The following MAPK9 variants were observed in gnomAD, a reference collection of about 807,000 sequenced individuals.
The protein encoded by MAPK9 is Jun kinase.
MAPK9 carries 30 observed loss-of-function variants against 57.1 expected under a neutral mutation model. The ratio of observed to expected loss-of-function variants is 0.53; its 90% CI spans 0.39 to 0.71. MAPK9 has a LOEUF of 0.71. Among genes scored for constraint, MAPK9 ranks in the 30% least tolerant of loss-of-function variants. MAPK9 has a pLI of 0.00. For synonymous variants in MAPK9, 155 were observed against 177.0 expected, an observed-to-expected ratio of 0.88 and a Z score of 0.99; for missense variants, 362 against 521.0, an observed-to-expected ratio of 0.69 and a Z score of 2.97.
In MAPK9 at chr5:180,269,336, G is replaced by A. The variant is rs1221752065; in HGVS notation, c.196C>T (p.His66Tyr). The A allele has an allele frequency of 1.2e-6, 2 of 1,613,974 alleles. No individual in the cohort carries two copies. The highest frequency in any genetic ancestry group is 2.2e-5 in the South Asian group (2 of 91,074). Reference sequence around the variant, plus strand: ...AGTTCACGATAAGCTCTCTTTGCATGAGTTTGGTTCTGAAAAGGACGGCTT... The same window carrying A: ...AGTTCACGATAAGCTCTCTTTGCATAAGTTTGGTTCTGAAAAGGACGGCTT... ...KLSRPFQNQT[H>Y]AKRAYRELVL... is the part of the protein sequence containing the mutation. Residue 66 changes from histidine to tyrosine, a missense_variant, in exon 3 of 12, where the codon CAT becomes TAT. By Grantham distance (83) the His-to-Tyr change is moderately conservative (BLOSUM62 2). Coordinates refer to ENST00000452135, the MANE Select transcript of MAPK9 (RefSeq NM_002752.5).
chr5:180,247,059 G>A lies in MAPK9; in HGVS notation c.688+380C>T, dbSNP rs1349936281. The A allele has an allele frequency of 4.6e-6, 1 of 219,374 alleles. No homozygotes were observed. The highest frequency in any genetic ancestry group is 9.0e-6 in the Non-Finnish European group (1 of 111,020). The allele number at this position is 219,374 out of a possible 1,614,324, so 13.6% of individuals were successfully genotyped here. ...CAAGCACACTAGCCTATTAAATTTA[G>A]ATAGCATCTTTCCTAGTTAAATTAA... On this transcript the variant is annotated intron_variant, in intron 7 of 11. Coordinates refer to ENST00000452135, the MANE Select transcript of MAPK9 (RefSeq NM_002752.5). The surrounding 1 kb of genome is among the most constrained non-coding windows in gnomAD (Gnocchi z 4.5).
intron 5 of MAPK9, among the ~76,000 whole-genome samples, chr5:180,252,952 C>G (rs1487462199): frequency 1.3e-5 from 2 of 152,210 alleles, no homozygotes; most frequent in African/African-American, 4.8e-5. Flanking sequence ...AAAGCCATTC[C>G]CAACTTATGT....
At chr5:180,286,012 G>A (rs1356541689) in intron 1 of MAPK9, among the ~76,000 whole-genome samples, 4 of 148,038 alleles carry the variant, frequency 2.7e-5, no homozygotes, top group Admixed American at 1.3e-4. Context: ...CCTGGGAGGC[G>A]GAGCTTGCAG....
chr5:180,261,020 TAGAG>T (rs1759895871), intron 5 of MAPK9, among the ~76,000 whole-genome samples: 1 of 152,196 alleles, frequency 6.6e-6, no homozygotes, highest in African/African-American at 2.4e-5. Flanking sequence ...AAAATCAGCT[TAGAG>T]AGAATTATAT....
intron 3 of MAPK9, among the ~76,000 whole-genome samples, chr5:180,267,386 C>T (rs979813451): frequency 6.6e-6 from 1 of 151,266 alleles, no homozygotes; most frequent in Non-Finnish European, 1.5e-5. Flanking sequence ...ATGGTGAAAC[C>T]CCTGTCTCTA....
chr5:180,248,450 G>A (rs1292620238), intron 6 of MAPK9, among the ~76,000 whole-genome samples: 1 of 152,248 alleles, frequency 6.6e-6, no homozygotes, highest in African/African-American at 2.4e-5. Context: ...TTTGCTAAAA[G>A]CCAAGTTTCA....
intron 5 of MAPK9, among the ~76,000 whole-genome samples, chr5:180,253,106 C>A (rs1454382317): frequency 1.3e-5 from 2 of 152,238 alleles, no homozygotes; most frequent in Non-Finnish European, 2.9e-5. Flanking sequence ...GCACACCTCC[C>A]ACAGAGCCGT....
rs144155832 is a variant in MAPK9, at chr5:180,282,159, G to A, written c.-47-1551C>T. The stretch of plus-strand genomic sequence containing the variant: ...GAAGCTGGTCTTTGGGGCACTGTGA[G>A]CATTCAATAAACCTTTGTTGATCTG... On this transcript the variant is annotated intron_variant, in intron 1 of 11. Transcript: ENST00000452135. Among the ~76,000 whole-genome samples, 344 of 152,280 alleles carry A rather than the reference G, an allele frequency of 2.3e-3. 2 individuals carry two copies. Among genetic ancestry groups the A allele is most frequent in the Non-Finnish European group, 4.2e-3 (284 of 68,024 alleles).
In MAPK9 at chr5:180,234,178, T is replaced by G. The variant is rs1419963757; in HGVS notation, c.*2206A>C. On this transcript the variant is annotated 3_prime_UTR_variant, in exon 12 of 12. Coordinates refer to ENST00000452135, the MANE Select transcript of MAPK9 (RefSeq NM_002752.5). ...GTTACTTCCTGGGTTGTGTACAATA[T>G]AAATTACAAAAATAAAATAGAAAAG... The G allele has an allele frequency of 6.6e-6, 1 of 152,200 alleles. No homozygotes were observed. Among genetic ancestry groups the G allele is most frequent in the Non-Finnish European group, 1.5e-5 (1 of 68,034 alleles). The allele number at this position is 152,200 out of a possible 1,614,324, so 9.4% of individuals were successfully genotyped here. A position where few individuals can be genotyped will look rare whatever the true frequency, so the allele number is the denominator to read the frequency against.
At chr5:180,280,070 G>A (rs1453171947) in intron 2 of MAPK9, 2 of 455,686 alleles carry the variant, frequency 4.4e-6, no homozygotes, top group Non-Finnish European at 8.9e-6. Context: ...GGAATAAAAG[G>A]GGAGGGGGGA....
intron 2 of MAPK9, among the ~76,000 whole-genome samples, chr5:180,274,095 T>C (rs2127613365): frequency 6.6e-6 from 1 of 152,278 alleles, no homozygotes; most frequent in Non-Finnish European, 1.5e-5. Context: ...CCCACCACGA[T>C]TTCAGTTTTC....
chr5:180,280,514 T>G lies in MAPK9; in HGVS notation c.48A>C (p.Ala16=). The change falls in exon 2 of 12, where the codon GCA becomes GCC. Residue 16 remains alanine (A), a synonymous_variant. Coordinates refer to ENST00000452135, the MANE Select transcript of MAPK9 (RefSeq NM_002752.5). ...CDSQFYSVQV[A]DSTFTVLKRY... ...GTTTTAGGACAGTGAAGGTTGAGTCTGCCACTTGCACACTATAAAACTGAC... is the reference window on the plus strand; with the variant it reads ...GTTTTAGGACAGTGAAGGTTGAGTCGGCCACTTGCACACTATAAAACTGAC... 1 of 1,614,228 alleles carries G rather than the reference T, an allele frequency of 6.2e-7. No individual in the cohort carries two copies. Among genetic ancestry groups the G allele is most frequent in the Non-Finnish European group, 8.5e-7 (1 of 1,180,036 alleles).
chr5:180,280,089 C>T, intron 2 of MAPK9: 1 of 456,956 alleles, frequency 2.2e-6, no homozygotes, highest in Non-Finnish European at 4.4e-6. Flanking sequence ...GAAAAGGTGG[C>T]CATGATGAAG....
chr5:180,249,007 G>A lies in MAPK9; in HGVS notation c.582C>T (p.Pro194=), dbSNP rs770875658. The part of the protein sequence containing the change: ...PYVVTRYYRA[P]EVILGMGYKE... ...TGTAGCCCATACCCAGGATGACTTC[G>A]GGCGCCCGGTAGTACCGTGTCACCA... is the stretch of plus-strand genomic sequence containing the variant. The change falls in exon 6 of 12, where the codon CCC becomes CCT. Residue 194 remains proline, a synonymous_variant. Transcript: ENST00000452135. 1.4e-5 allele frequency: 23 copies of A among 1,613,298 alleles called. No individual in the cohort carries two copies. The South Asian group carries it at 2.0e-4, about 14-fold the overall frequency.
rs1758210640 is a variant in MAPK9 at position 180,247,318 on chromosome 5, T to C, written c.688+121A>G. 8.4e-6 allele frequency: 9 copies of C among 1,073,488 alleles called. No homozygotes were observed. Among genetic ancestry groups the C allele is most frequent in the Admixed American group, 2.0e-5 (1 of 49,864 alleles). The allele number at this position is 1,073,488 out of a possible 1,614,324, so 66.5% of individuals were successfully genotyped here. A position where few individuals can be genotyped will look rare whatever the true frequency, so the allele number is the denominator to read the frequency against. Reference sequence around the variant, plus strand: ...TTAACAAATACAGTAAAGCCCCCCTTAGAACACAGTCTGGAGTGGATTTTA... The same window carrying C: ...TTAACAAATACAGTAAAGCCCCCCTCAGAACACAGTCTGGAGTGGATTTTA... On this transcript the variant is annotated intron_variant, in intron 7 of 11. Coordinates refer to ENST00000452135, the MANE Select transcript of MAPK9 (RefSeq NM_002752.5). The surrounding 1 kb of genome is among the most constrained non-coding windows in gnomAD (Gnocchi z 4.5).
chr5:180,236,342 G>A lies in MAPK9; in HGVS notation c.*42C>T, dbSNP rs760918408. 1 of 1,567,386 alleles carries A rather than the reference G, an allele frequency of 6.4e-7. No individual in the cohort carries two copies. The highest frequency in any genetic ancestry group is 8.7e-7 in the Non-Finnish European group (1 of 1,149,708). On this transcript the variant is annotated 3_prime_UTR_variant, in exon 12 of 12. Coordinates refer to ENST00000452135, the MANE Select transcript of MAPK9 (RefSeq NM_002752.5). ...CCAAGCATTTCAGGCCCACGGAGGTGAGAGTTCCTTCAATGCTGACAGGTT... is the reference window on the plus strand; with the variant it reads ...CCAAGCATTTCAGGCCCACGGAGGTAAGAGTTCCTTCAATGCTGACAGGTT...
chr5:180,236,464 T>C lies in MAPK9; in HGVS notation c.1195A>G (p.Met399Val), dbSNP rs1757181402. The change falls in exon 12 of 12, where the codon ATG becomes GTG. Residue 399 changes from methionine (M) to valine (V), a missense_variant. By Grantham distance (21) the Met-to-Val change is conservative. Coordinates refer to ENST00000452135, the MANE Select transcript of MAPK9 (RefSeq NM_002752.5). ...GAGGCCAGCGTCTGCTCAGTGGACA[T>C]GGATGAAATGTCATTGATCGATGAA... ...QSSSINDISSMSTEQTLASDT... is the reference protein window; with the variant it reads ...QSSSINDISSVSTEQTLASDT... The C allele has an allele frequency of 1.9e-6, 3 of 1,614,004 alleles. No homozygotes were observed. The highest frequency in any genetic ancestry group is 2.2e-5 in the South Asian group (2 of 91,072).
At position 180,233,960 on chromosome 5, in the gene MAPK9, T is replaced by G. The variant is rs562839286; in HGVS notation, c.*2424A>C. The G allele has an allele frequency of 1.3e-5, 2 of 152,338 alleles. No homozygotes were observed. The highest frequency in any genetic ancestry group is 4.8e-5 in the African/African-American group (2 of 41,566). 9.4% of individuals were successfully genotyped at this position (152,338 alleles called of 1,614,324 possible). On this transcript the variant is annotated 3_prime_UTR_variant, in exon 12 of 12. Coordinates refer to ENST00000452135, the MANE Select transcript of MAPK9 (RefSeq NM_002752.5). ...CTGACACGGTATGCACAGCCAGGGTTTCCAGACTGCTCTCCTGCTCTCACA... is the reference window on the plus strand; with the variant it reads ...CTGACACGGTATGCACAGCCAGGGTGTCCAGACTGCTCTCCTGCTCTCACA...
At chr5:180,279,271 T>C (rs1762104976) in intron 2 of MAPK9, among the ~76,000 whole-genome samples, 1 of 152,172 alleles carries the variant, frequency 6.6e-6, no homozygotes, top group Non-Finnish European at 1.5e-5. Flanking sequence ...TAACACTTCT[T>C]CTGGCACACT....
Sources: gnomAD v4.1 joint callset for allele counts (sites outside exome capture counted in the v4.1 genomes callset) on GRCh38, gnomAD v4.1.1 for gene constraint, Gnocchi (gnomAD v3.1) non-coding constraint, MANE v1.5 for transcripts, NCBI Gene and HGNC (gene_info 2026-07-23, HGNC 2026-07-21) for gene names.